The following ATRNL1 variants were observed in gnomAD, a reference collection of about 807,000 sequenced individuals.
ATRNL1 encodes attractin-like protein 1.
In ATRNL1, 95 loss-of-function variants were observed where a neutral mutation model predicts 182.7. That is an observed-to-expected ratio of 0.52 (90% confidence interval 0.44 to 0.62). ATRNL1 has a LOEUF of 0.62. Ranked by LOEUF, ATRNL1 falls within the 20% of genes least tolerant of loss-of-function variation. The pLI, the probability that ATRNL1 is intolerant of heterozygous loss-of-function variation, is 0.00. For synonymous variants in ATRNL1, 576 were observed against 568.3 expected (o/e 1.01, Z -0.19); for missense variants, 1,471 against 1,679.5 (o/e 0.88, Z 2.17).
chr10:115,795,531 G>GC (rs1395449786), intron 27 of ATRNL1, among the ~76,000 whole-genome samples: 18 of 152,098 alleles, frequency 1.2e-4, no homozygotes, highest in African/African-American at 4.3e-4. Flanking sequence ...ACCTGAGACT[G>GC]CGTAATTTAT....
intron 28 of ATRNL1, among the ~76,000 whole-genome samples, chr10:115,933,297 G>C (rs1393171814): frequency 6.6e-6 from 1 of 152,186 alleles, no homozygotes; most frequent in Non-Finnish European, 1.5e-5. Flanking sequence ...TGGCATCATA[G>C]AAACCACACA....
At chr10:115,173,028 C>A (rs1554886026) in intron 8 of ATRNL1, among the ~76,000 whole-genome samples, 1 of 151,906 alleles carries the variant, frequency 6.6e-6, no homozygotes, top group African/African-American at 2.4e-5. Context: ...TCTCTATCAT[C>A]ACTCGCAATT....
intron 6 of ATRNL1, among the ~76,000 whole-genome samples, chr10:115,163,644 G>A (rs1846906206): frequency 6.6e-6 from 1 of 152,138 alleles, no homozygotes; most frequent in African/African-American, 2.4e-5. Context: ...GGGATTTCAG[G>A]TGTGAGCTAC....
chr10:115,389,653 G>A (rs1212099342), intron 19 of ATRNL1, among the ~76,000 whole-genome samples: 2 of 143,380 alleles, frequency 1.4e-5, no homozygotes, highest in African/African-American at 5.2e-5. Flanking sequence ...TAATGCTGCA[G>A]TGAACACAGG....
intron 21 of ATRNL1, among the ~76,000 whole-genome samples, chr10:115,441,016 A>T (rs763846715): frequency 4.4e-4 from 67 of 151,932 alleles, no homozygotes; most frequent in Admixed American, 7.2e-4. Flanking sequence ...CACCACAATC[A>T]CCAAACTTTT....
intron 19 of ATRNL1, among the ~76,000 whole-genome samples, chr10:115,392,777 CT>C: frequency 6.6e-6 from 1 of 152,306 alleles, no homozygotes; most frequent in East Asian, 1.9e-4. Flanking sequence ...TCTTCCTGTT[CT>C]GGCAACTTTT....
chr10:115,239,648 T>C (rs1850330667), intron 9 of ATRNL1, among the ~76,000 whole-genome samples: 1 of 152,154 alleles, frequency 6.6e-6, no homozygotes, highest in African/African-American at 2.4e-5. Context: ...ACACCACTAC[T>C]TTATGTACAG....
chr10:115,804,165 G>T (rs1430687022), intron 27 of ATRNL1, among the ~76,000 whole-genome samples: 1 of 152,122 alleles, frequency 6.6e-6, no homozygotes, highest in East Asian at 1.9e-4. Context: ...CCAGAACTTA[G>T]ATCCAGGTTT....
intron 27 of ATRNL1, among the ~76,000 whole-genome samples, chr10:115,772,102 AG>A (rs1949008454): frequency 6.6e-6 from 1 of 152,344 alleles, no homozygotes; most frequent in East Asian, 1.9e-4. Flanking sequence ...TTCTGTGGCT[AG>A]AGATGAAGTG....
chr10:115,110,549 A>G (rs181325429), intron 1 of ATRNL1, among the ~76,000 whole-genome samples: 1 of 152,290 alleles, frequency 6.6e-6, no homozygotes, highest in African/African-American at 2.4e-5. Flanking sequence ...CCTCTGGATA[A>G]CAGCCTAGCT....
chr10:115,306,868 C>T (rs781895491), intron 17 of ATRNL1, among the ~76,000 whole-genome samples: 4 of 152,002 alleles, frequency 2.6e-5, no homozygotes, highest in African/African-American at 9.7e-5. Context: ...ATTGTTGTAA[C>T]TGATTTTTTT....
chr10:115,797,979 A>G (rs1212631149), intron 27 of ATRNL1, among the ~76,000 whole-genome samples: 4 of 152,012 alleles, frequency 2.6e-5, no homozygotes, highest in Non-Finnish European at 5.9e-5. Context: ...GTGCAGTGGC[A>G]CGATCTCCGC....
At chr10:115,444,802 G>T (rs1317721885) in intron 21 of ATRNL1, among the ~76,000 whole-genome samples, 1 of 151,800 alleles carries the variant, frequency 6.6e-6, no homozygotes, top group African/African-American at 2.4e-5. Flanking sequence ...TGCCATCTTG[G>T]CTCATTGCAA....
At chr10:115,689,057 A>G (rs906916138) in intron 26 of ATRNL1, among the ~76,000 whole-genome samples, 2 of 152,134 alleles carry the variant, frequency 1.3e-5, no homozygotes, top group Non-Finnish European at 2.9e-5. Context: ...TGAAGAGAGT[A>G]TGCTTTCCCT....
chr10:115,748,415 A>G (rs1179284723), intron 27 of ATRNL1, among the ~76,000 whole-genome samples: 1 of 135,318 alleles, frequency 7.4e-6, no homozygotes, highest in Admixed American at 7.6e-5. Flanking sequence ...TTCACTTTGG[A>G]TTTTTCCATT....
At chr10:115,362,769 T>C (rs1281042998) in intron 19 of ATRNL1, among the ~76,000 whole-genome samples, 1 of 151,392 alleles carries the variant, frequency 6.6e-6, no homozygotes, top group African/African-American at 2.4e-5. Flanking sequence ...GAATATGCAG[T>C]GTTTGGTTTT....
chr10:115,339,876 T>A (rs1554937748), intron 19 of ATRNL1, among the ~76,000 whole-genome samples: 1 of 152,162 alleles, frequency 6.6e-6, no homozygotes, highest in Non-Finnish European at 1.5e-5. Context: ...TTATGTTCCT[T>A]CAATCCCCAA....
intron 21 of ATRNL1, among the ~76,000 whole-genome samples, chr10:115,446,929 T>G (rs1356652706): frequency 2.6e-5 from 4 of 152,000 alleles, no homozygotes; most frequent in Non-Finnish European, 5.9e-5. Flanking sequence ...GCCAAAATAT[T>G]TAAAAGCAGA....
At chr10:115,815,625 G>A (rs1555088358) in intron 27 of ATRNL1, among the ~76,000 whole-genome samples, 2 of 152,046 alleles carry the variant, frequency 1.3e-5, no homozygotes, top group African/African-American at 4.8e-5. Flanking sequence ...AGTGGAGGTT[G>A]ACTTCAGAAT....
Sources: gnomAD v4.1 joint callset for allele counts (sites outside exome capture counted in the v4.1 genomes callset) on GRCh38, gnomAD v4.1.1 for gene constraint, MANE v1.5 for transcripts, NCBI Gene and HGNC (gene_info 2026-07-23, HGNC 2026-07-21) for gene names.